The following VSNL1 variants were observed in gnomAD, a reference collection of about 807,000 sequenced individuals.
VSNL1 encodes visinin like 1.
A neutral mutation model predicts 20.4 loss-of-function variants in VSNL1; 6 were observed. The observed-to-expected ratio is 0.29, with a 90% confidence interval of 0.16 to 0.58. VSNL1 has a LOEUF of 0.58. Ranked by LOEUF, VSNL1 falls within the 20% of genes least tolerant of loss-of-function variation. The pLI is 0.90. For synonymous variants in VSNL1, 93 were observed against 86.4 expected, an observed-to-expected ratio of 1.08 and a Z score of -0.42; for missense variants, 100 against 234.5, an observed-to-expected ratio of 0.43 and a Z score of 3.75.
intron 1 of VSNL1, among the ~76,000 whole-genome samples, chr2:17,574,147 A>G (rs1664146573): frequency 6.6e-6 from 1 of 152,194 alleles, no homozygotes. Context: ...ATTCTCCTGC[A>G]AGTCATAACT....
chr2:17,556,773 C>T (rs1663688808), intron 1 of VSNL1, among the ~76,000 whole-genome samples: 1 of 152,120 alleles, frequency 6.6e-6, no homozygotes, highest in Non-Finnish European at 1.5e-5. Flanking sequence ...GCTTACCATT[C>T]TATAGATTCT....
intron 1 of VSNL1, among the ~76,000 whole-genome samples, chr2:17,584,318 A>G (rs1664418011): frequency 6.6e-6 from 1 of 152,208 alleles, no homozygotes; most frequent in Non-Finnish European, 1.5e-5. Context: ...CTGGGTATCA[A>G]GTATGGCTTG....
At chr2:17,650,809 T>C (rs1157336722) in intron 3 of VSNL1, among the ~76,000 whole-genome samples, 1 of 152,236 alleles carries the variant, frequency 6.6e-6, no homozygotes, top group Admixed American at 6.5e-5. Flanking sequence ...TTGCACACCC[T>C]CTCATTCCAC....
intron 2 of VSNL1, among the ~76,000 whole-genome samples, chr2:17,614,858 T>C (rs985475125): frequency 6.6e-6 from 1 of 152,232 alleles, no homozygotes; most frequent in Non-Finnish European, 1.5e-5. Context: ...TGAGCCTCTG[T>C]TTCCTCATTT....
chr2:17,622,212 CAA>C (rs60417092), intron 2 of VSNL1, among the ~76,000 whole-genome samples: 7,751 of 134,464 alleles, frequency 0.058, 231 homozygotes, highest in East Asian at 0.099. Context: ...GACTCTATCT[CAA>C]AAAAAAAAAA....
Position 17,649,324 on chromosome 2 carries a change from A to C in VSNL1, c.163-86A>C. ...TGAGGCTCCGACAACGCCCAGGAGC[A>C]CCTGTGATGCCGTCATTAGGAACCT... On this transcript the variant is annotated intron_variant, in intron 2 of 3. Coordinates refer to ENST00000295156, the MANE Select transcript of VSNL1 (RefSeq NM_003385.5). This position sits in a 1 kb window ranked among gnomAD's most constrained non-coding sequence, Gnocchi z 6.4. The C allele has an allele frequency of 7.5e-7, 1 of 1,335,078 alleles. No homozygotes were observed. Among genetic ancestry groups the C allele is most frequent in the Non-Finnish European group, 1.1e-6 (1 of 935,062 alleles). 82.7% of individuals were successfully genotyped at this position (1,335,078 alleles called of 1,614,324 possible). A position where few individuals can be genotyped will look rare whatever the true frequency, so the allele number is the denominator to read the frequency against.
intron 1 of VSNL1, among the ~76,000 whole-genome samples, chr2:17,542,869 C>T (rs564649302): frequency 1.3e-5 from 2 of 152,246 alleles, no homozygotes; most frequent in South Asian, 4.1e-4. Context: ...GTATCTAGTC[C>T]AAACCCCTTG....
At chr2:17,549,943 G>T (rs748838629) in intron 1 of VSNL1, among the ~76,000 whole-genome samples, 1 of 152,210 alleles carries the variant, frequency 6.6e-6, no homozygotes, top group Non-Finnish European at 1.5e-5. Context: ...GTCATTAAAT[G>T]TGTGTTTTAG....
At chr2:17,624,198 A>G (rs528153808) in intron 2 of VSNL1, among the ~76,000 whole-genome samples, 2 of 152,302 alleles carry the variant, frequency 1.3e-5, no homozygotes, top group African/African-American at 2.4e-5. Flanking sequence ...TGGCTGATCA[A>G]TTTCAGCAGT....
Position 17,634,973 on chromosome 2 carries a change from C to A in VSNL1, c.163-14437C>A, listed in dbSNP as rs1665719686. On this transcript the variant is annotated intron_variant, in intron 2 of 3. Transcript: ENST00000295156. This position sits in a 1 kb window ranked among gnomAD's most constrained non-coding sequence, Gnocchi z 4.3. The stretch of plus-strand genomic sequence containing the variant: ...ACACATACACACGTACACACACATA[C>A]ATGTGCACATACATACATACACACT... 6.6e-6 allele frequency among the ~76,000 whole-genome samples: 1 copy of A among 152,180 alleles called. No individual in the cohort carries two copies. Among genetic ancestry groups the A allele is most frequent in the South Asian group, 2.1e-4 (1 of 4,828 alleles).
chr2:17,563,361 C>A (rs1663862449), intron 1 of VSNL1, among the ~76,000 whole-genome samples: 1 of 152,258 alleles, frequency 6.6e-6, no homozygotes, highest in South Asian at 2.1e-4. Context: ...GGCTTGTTTG[C>A]AAATTCATTG....
At chr2:17,544,970 C>T (rs1428067004) in intron 1 of VSNL1, among the ~76,000 whole-genome samples, 2 of 152,106 alleles carry the variant, frequency 1.3e-5, no homozygotes, top group African/African-American at 4.8e-5. Flanking sequence ...CCTAATCCAT[C>T]CCTCCAATCC....
chr2:17,649,717 T>G lies in VSNL1; in HGVS notation c.378+92T>G. ...GCAGGCCTTAGTGGCTTCTTCTCTC[T>G]CTGCTCGAGCCCTGCCAGCTGCACA... is the stretch of plus-strand genomic sequence containing the variant. On this transcript the variant is annotated intron_variant, in intron 3 of 3. Transcript: ENST00000295156. This position sits in a 1 kb window ranked among gnomAD's most constrained non-coding sequence, Gnocchi z 6.4. 8.2e-7 allele frequency: 1 copy of G among 1,221,244 alleles called. No individual in the cohort carries two copies. Among genetic ancestry groups the G allele is most frequent in the South Asian group, 1.4e-5 (1 of 73,392 alleles). The allele number at this position is 1,221,244 out of a possible 1,614,324, so 75.7% of individuals were successfully genotyped here. A position where few individuals can be genotyped will look rare whatever the true frequency, so the allele number is the denominator to read the frequency against.
chr2:17,543,709 A>G (rs1663346417), intron 1 of VSNL1, among the ~76,000 whole-genome samples: 1 of 152,190 alleles, frequency 6.6e-6, no homozygotes, highest in African/African-American at 2.4e-5. Flanking sequence ...GCATTTGCAT[A>G]GCTTTTCCTC....
chr2:17,589,279 T>C (rs1225393622), intron 1 of VSNL1, among the ~76,000 whole-genome samples: 1 of 152,124 alleles, frequency 6.6e-6, no homozygotes, highest in East Asian at 1.9e-4. Context: ...AAAAGACAGA[T>C]TGGCAGAAAA....
intron 2 of VSNL1, among the ~76,000 whole-genome samples, chr2:17,617,179 G>A (rs76988878): frequency 0.014 from 2,149 of 152,250 alleles, 39 homozygotes; most frequent in African/African-American, 0.049. Context: ...GGAGCTCAGC[G>A]GAGGGAAAGA....
intron 2 of VSNL1, among the ~76,000 whole-genome samples, chr2:17,647,147 C>A (rs1010451647): frequency 2.6e-5 from 4 of 152,070 alleles, no homozygotes; most frequent in African/African-American, 9.7e-5. Context: ...GTTTTTTAGA[C>A]CTAAATTAAT....
Position 17,602,614 on chromosome 2 carries a change from C to G in VSNL1, c.162+10378C>G, listed in dbSNP as rs113756888. 8.9e-3 allele frequency among the ~76,000 whole-genome samples: 1,356 copies of G among 152,160 alleles called. 31 individuals carry two copies. The highest frequency in any genetic ancestry group is 0.031 in the African/African-American group (1,287 of 41,506). ...AAAAATTAGCCAGGTATGGTGCATGCCTGTAATCCCAGCTACTGGGGAGGC... is the reference window on the plus strand; with the variant it reads ...AAAAATTAGCCAGGTATGGTGCATGGCTGTAATCCCAGCTACTGGGGAGGC... On this transcript the variant is annotated intron_variant, in intron 2 of 3. Transcript: ENST00000295156.
At chr2:17,648,682 C>T (rs574794720) in intron 2 of VSNL1, among the ~76,000 whole-genome samples, 1 of 152,340 alleles carries the variant, frequency 6.6e-6, no homozygotes, top group African/African-American at 2.4e-5. Context: ...GAGGCCACCA[C>T]CTACTGATTC....
Sources: gnomAD v4.1 joint callset for allele counts (sites outside exome capture counted in the v4.1 genomes callset) on GRCh38, gnomAD v4.1.1 for gene constraint, Gnocchi (gnomAD v3.1) non-coding constraint, MANE v1.5 for transcripts, NCBI Gene and HGNC (gene_info 2026-07-23, HGNC 2026-07-21) for gene names.